PHACTR4: variants seen among roughly 807,000 people sequenced by gnomAD.
The protein encoded by PHACTR4 is protein phosphatase 1, regulatory subunit 124.
A neutral mutation model predicts 72.7 loss-of-function variants in PHACTR4; 51 were observed. The ratio of observed to expected loss-of-function variants is 0.70; its 90% CI spans 0.56 to 0.89. The LOEUF (loss-of-function observed/expected upper bound fraction) is 0.89, where lower values mean the gene tolerates loss of function less well. Ranked by LOEUF, PHACTR4 falls within the 40% of genes least tolerant of loss-of-function variation. The pLI is 0.00. For synonymous variants in PHACTR4, 255 were observed against 302.5 expected (o/e 0.84, Z 1.63); for missense variants, 731 against 861.8 (o/e 0.85, Z 1.90).
At chr1:28,489,087 A>G (rs1023177090) in intron 9 of PHACTR4, 83 bp from the exon 10 acceptor site, 12 of 1,026,174 alleles carry the variant, frequency 1.2e-5, no homozygotes, top group Non-Finnish European at 1.8e-5. Flanking sequence ...ATAGGGGCTA[A>G]TATATACTGT....
chr1:28,461,129 G>T (rs1221551393), intron 4 of PHACTR4, among the ~76,000 whole-genome samples: 13 of 152,048 alleles, frequency 8.5e-5, no homozygotes, highest in Non-Finnish European at 1.9e-4. Context: ...TGTTGCATGA[G>T]GCAAAATCTG....
rs75460743 is a variant in PHACTR4, at chr1:28,480,442, T to G, written c.1607-9T>G. The stretch of plus-strand genomic sequence containing the variant: ...AAGTTCTACATTTTTTTCTTCCCCG[T>G]GTGCAAAGGTGCTCTCGCCAACAAA... On this transcript the variant is annotated splice_polypyrimidine_tract_variant and intron_variant, in intron 8 of 13. Transcript: ENST00000373839. 1.9e-6 allele frequency: 3 copies of G among 1,613,246 alleles called. No homozygotes were observed. The African/African-American group carries it at 4.0e-5, about 22-fold the overall frequency.
intron 2 of PHACTR4, among the ~76,000 whole-genome samples, chr1:28,412,457 A>G (rs1654849008): frequency 2.0e-5 from 3 of 152,222 alleles, no homozygotes; most frequent in Non-Finnish European, 4.4e-5. Context: ...TATATGTACT[A>G]AAGGGTTGAT....
At chr1:28,483,767 C>T (rs1432491424) in intron 9 of PHACTR4, among the ~76,000 whole-genome samples, 2 of 144,452 alleles carry the variant, frequency 1.4e-5, no homozygotes, top group Admixed American at 7.0e-5. Context: ...CCACTGCACT[C>T]CAGCCTGGGT....
At chr1:28,378,174 G>T (rs1177708321) in intron 1 of PHACTR4, among the ~76,000 whole-genome samples, 1 of 143,814 alleles carries the variant, frequency 7.0e-6, no homozygotes, top group Non-Finnish European at 1.5e-5. Flanking sequence ...TCCAGCCTGG[G>T]TGACAGAGCG....
intron 2 of PHACTR4, among the ~76,000 whole-genome samples, chr1:28,435,895 A>G (rs548100470): frequency 6.6e-6 from 1 of 152,334 alleles, no homozygotes; most frequent in South Asian, 2.1e-4. Flanking sequence ...CCTAGGTTCC[A>G]AAGTATTGGG....
intron 10 of PHACTR4, among the ~76,000 whole-genome samples, chr1:28,490,445 T>C (rs1301610138): frequency 6.7e-6 from 1 of 149,476 alleles, no homozygotes. Flanking sequence ...GGCAGGAGAA[T>C]GGCGTGAACC....
intron 2 of PHACTR4, among the ~76,000 whole-genome samples, chr1:28,444,294 G>A (rs539752583): frequency 4.7e-4 from 59 of 125,894 alleles, no homozygotes; most frequent in African/African-American, 1.6e-3. Context: ...GGCGTGAGCA[G>A]TCTTGGCTCA....
intron 6 of PHACTR4, among the ~76,000 whole-genome samples, chr1:28,470,266 GC>G (rs1424981363): frequency 6.6e-6 from 1 of 152,000 alleles, no homozygotes; most frequent in African/African-American, 2.4e-5. Flanking sequence ...GGTGACATGT[GC>G]CTGTAATTCT....
intron 2 of PHACTR4, chr1:28,438,560 G>C: frequency 1.0e-6 from 1 of 990,246 alleles, no homozygotes; most frequent in Non-Finnish European, 1.5e-6. Flanking sequence ...GTTTATGTTT[G>C]TGAAGAATGA....
intron 8 of PHACTR4, among the ~76,000 whole-genome samples, chr1:28,480,229 GAGAAA>G (rs1660194974): frequency 6.6e-6 from 1 of 152,160 alleles, no homozygotes; most frequent in African/African-American, 2.4e-5. Context: ...CCTGATAGAA[GAGAAA>G]AGATACCTTT....
At chr1:28,437,696 C>T (rs1233130298) in intron 2 of PHACTR4, among the ~76,000 whole-genome samples, 1 of 152,140 alleles carries the variant, frequency 6.6e-6, no homozygotes, top group Admixed American at 6.6e-5. Context: ...TGATAAAGTA[C>T]TAATCCTATT....
At chr1:28,403,089 A>G (rs953654141) in intron 1 of PHACTR4, among the ~76,000 whole-genome samples, 2 of 152,208 alleles carry the variant, frequency 1.3e-5, no homozygotes, top group East Asian at 3.8e-4. Context: ...GTAAAGTCCT[A>G]TTCTTAAAGG....
At chr1:28,474,240 C>G in intron 7 of PHACTR4, 89 bp downstream of exon 7, 1 of 1,279,616 alleles carries the variant, frequency 7.8e-7, no homozygotes, top group Non-Finnish European at 1.1e-6. Flanking sequence ...AAAATGTGGG[C>G]CGGGCCTAGT....
rs190696743 is a variant in PHACTR4 at position 28,464,154 on chromosome 1, C to T, written c.272-1531C>T. On this transcript the variant is annotated intron_variant, in intron 4 of 13. Coordinates refer to ENST00000373839, the MANE Select transcript of PHACTR4 (RefSeq NM_001048183.3). ...ATAATTTTTGTATTGTTAGTAAAGA[C>T]GGGGTTTCACCATGTTGGCCAGGCT... Among the ~76,000 whole-genome samples, 528 of 150,470 alleles carry T rather than the reference C, an allele frequency of 3.5e-3. 3 individuals carry two copies. Among genetic ancestry groups the T allele is most frequent in the Middle Eastern group, 0.014 (4 of 292 alleles).
intron 1 of PHACTR4, among the ~76,000 whole-genome samples, chr1:28,398,151 A>T (rs540790978): frequency 6.6e-6 from 1 of 152,188 alleles, no homozygotes; most frequent in African/African-American, 2.4e-5. Flanking sequence ...GAAGAGGATA[A>T]TATATTTTAG....
intron 9 of PHACTR4, among the ~76,000 whole-genome samples, chr1:28,487,740 T>G (rs1041613362): frequency 3.0e-5 from 4 of 134,230 alleles, no homozygotes; most frequent in East Asian, 2.0e-4. Context: ...TTTTTTTTTT[T>G]TTTTTTTTTT....
intron 4 of PHACTR4, among the ~76,000 whole-genome samples, chr1:28,464,356 A>G (rs1487727639): frequency 6.6e-6 from 1 of 152,152 alleles, no homozygotes; most frequent in East Asian, 1.9e-4. Context: ...TCACACCTTT[A>G]TACATGCTGT....
At chr1:28,438,697 A>G (rs951735214) in intron 2 of PHACTR4, among the ~76,000 whole-genome samples, 2 of 152,152 alleles carry the variant, frequency 1.3e-5, no homozygotes, top group Non-Finnish European at 1.5e-5. Flanking sequence ...GAAGTTTTTT[A>G]TATTATATTG....
Sources: allele counts gnomAD v4.1 joint callset (sites outside exome capture counted in the v4.1 genomes callset), GRCh38; gene constraint gnomAD v4.1.1; transcripts MANE v1.5; gene names NCBI Gene and HGNC (gene_info 2026-07-23, HGNC 2026-07-21).